WDPCP: variants seen among roughly 807,000 people sequenced by gnomAD.
WDPCP encodes WD repeat containing planar cell polarity effector, also known as WD repeat-containing and planar cell polarity effector protein fritz homolog.
A neutral mutation model predicts 93.1 loss-of-function variants in WDPCP; 71 were observed. The ratio of observed to expected loss-of-function variants is 0.76; its 90% CI spans 0.63 to 0.93. The LOEUF (loss-of-function observed/expected upper bound fraction) is 0.93, where lower values mean the gene tolerates loss of function less well. WDPCP is among the 40% of genes least tolerant of loss of function. The pLI is 0.00. For synonymous variants in WDPCP, 315 were observed against 315.0 expected (o/e 1.00, Z 0.00); for missense variants, 844 against 887.4 (o/e 0.95, Z 0.62).
At chr2:63,655,749 A>G (rs1274127661) in intron 2 of WDPCP, among the ~76,000 whole-genome samples, 1 of 152,192 alleles carries the variant, frequency 6.6e-6, no homozygotes, top group African/African-American at 2.4e-5. Flanking sequence ...GTAATACTAT[A>G]TATGCTGTTC....
At chr2:63,327,853 C>A (rs558722152) in intron 12 of WDPCP, among the ~76,000 whole-genome samples, 1 of 152,152 alleles carries the variant, frequency 6.6e-6, no homozygotes, top group Non-Finnish European at 1.5e-5. Flanking sequence ...ACAAATGGAA[C>A]CCCAAATGAG....
chr2:63,794,554 T>C (rs185596235), intron 2 of WDPCP, among the ~76,000 whole-genome samples: 85 of 152,336 alleles, frequency 5.6e-4, no homozygotes, highest in African/African-American at 2.0e-3. Flanking sequence ...GCTGTATTTG[T>C]TACTATCATC....
chr2:63,604,444 A>G (rs1455193291), intron 3 of WDPCP, among the ~76,000 whole-genome samples: 1 of 152,176 alleles, frequency 6.6e-6, no homozygotes, highest in African/African-American at 2.4e-5. Flanking sequence ...TTAACCACAA[A>G]CTATGGGATG....
At chr2:63,276,109 G>C (rs980897163) in intron 13 of WDPCP, among the ~76,000 whole-genome samples, 17 of 152,128 alleles carry the variant, frequency 1.1e-4, no homozygotes, top group Non-Finnish European at 1.8e-4. Flanking sequence ...CCACTGGGTG[G>C]CTAAACCCAG....
chr2:63,386,494 G>C (rs549212465), intron 10 of WDPCP, among the ~76,000 whole-genome samples: 47 of 152,146 alleles, frequency 3.1e-4, no homozygotes, highest in Admixed American at 1.4e-3. Context: ...ATGCAAATTA[G>C]TACCACAACA....
chr2:63,199,415 A>C (rs919543277), intron 14 of WDPCP, among the ~76,000 whole-genome samples: 1 of 152,200 alleles, frequency 6.6e-6, no homozygotes, highest in African/African-American at 2.4e-5. Context: ...TTTTGTGGGC[A>C]AGGCCCGGGG....
intron 12 of WDPCP, among the ~76,000 whole-genome samples, chr2:63,367,251 A>G (rs1437211473): frequency 2.6e-5 from 4 of 152,026 alleles, no homozygotes; most frequent in Non-Finnish European, 5.9e-5. Flanking sequence ...ACATTAAAAC[A>G]ATTAAAACAA....
At chr2:63,124,636 A>G (rs544622210) in intron 17 of WDPCP, among the ~76,000 whole-genome samples, 2 of 152,284 alleles carry the variant, frequency 1.3e-5, no homozygotes, top group South Asian at 4.1e-4. Flanking sequence ...TTATTATGTT[A>G]GGTTTCCTCT....
At chr2:63,637,346 C>T (rs756201765) in intron 3 of WDPCP, among the ~76,000 whole-genome samples, 6 of 146,030 alleles carry the variant, frequency 4.1e-5, no homozygotes, top group Admixed American at 6.9e-5. Flanking sequence ...AGAAAGACTC[C>T]GTCTCACAAA....
intron 6 of WDPCP, among the ~76,000 whole-genome samples, chr2:63,446,254 G>T (rs949132669): frequency 6.6e-6 from 1 of 152,154 alleles, no homozygotes; most frequent in African/African-American, 2.4e-5. Flanking sequence ...AGTAAGCGGT[G>T]AGTGGGCAAG....
intron 3 of WDPCP, among the ~76,000 whole-genome samples, chr2:63,620,153 T>C (rs1028412457): frequency 6.6e-6 from 1 of 152,002 alleles, no homozygotes; most frequent in African/African-American, 2.4e-5. Flanking sequence ...CAGTGGCACC[T>C]GGAACACCAG....
chr2:63,392,214 G>T (rs1693315796), intron 10 of WDPCP, among the ~76,000 whole-genome samples: 1 of 152,038 alleles, frequency 6.6e-6, no homozygotes, highest in Admixed American at 6.6e-5. Flanking sequence ...CAGAACAGAG[G>T]CCTTGGAAAT....
At chr2:63,748,930 G>GTGC (rs1278015337) in intron 2 of WDPCP, among the ~76,000 whole-genome samples, 1 of 152,062 alleles carries the variant, frequency 6.6e-6, no homozygotes. Flanking sequence ...CAAGTCTGGG[G>GTGC]TGCTCTAATT....
At chr2:63,571,695 A>G (rs1339943197) in intron 1 of WDPCP, 7 of 459,570 alleles carry the variant, frequency 1.5e-5, no homozygotes, top group Non-Finnish European at 2.2e-5. Context: ...TTAAGATGCC[A>G]GAAAAGTTTT....
chr2:63,473,419 C>G (rs1699798394), intron 6 of WDPCP, among the ~76,000 whole-genome samples: 1 of 152,148 alleles, frequency 6.6e-6, no homozygotes, highest in East Asian at 1.9e-4. Context: ...GTTGGTGTCT[C>G]CCAAAAATTA....
chr2:63,227,910 A>G (rs1158863750), intron 14 of WDPCP, among the ~76,000 whole-genome samples: 1 of 152,110 alleles, frequency 6.6e-6, no homozygotes, highest in Non-Finnish European at 1.5e-5. Context: ...TATAAATCTA[A>G]CAGGGAACAA....
chr2:63,588,003 G>T (rs1255491570), intron 1 of WDPCP, among the ~76,000 whole-genome samples, 194 bp downstream of exon 1: 3 of 152,192 alleles, frequency 2.0e-5, no homozygotes, highest in Non-Finnish European at 4.4e-5. Context: ...TTGGGGTCGG[G>T]GGTGCACCTA....
rs759281211 is a variant in WDPCP at position 63,174,803 on chromosome 2, T to C, written c.1945A>G (p.Met649Val). 1.9e-6 allele frequency: 3 copies of C among 1,613,914 alleles called. No homozygotes were observed. Among genetic ancestry groups the C allele is most frequent in the Non-Finnish European group, 2.5e-6 (3 of 1,179,870 alleles). ...AGGCCAATAAATGCTTCATTTAGCA[T>C]ATCCCCTCTGTCCAAGGGTCCCAGG... ...ELLGPLDRGDMLNEAFIGLSL... is the reference protein window; with the variant it reads ...ELLGPLDRGDVLNEAFIGLSL... Residue 649 changes from methionine (M) to valine (V), a missense_variant, in exon 15 of 18, where the codon ATG (methionine) becomes GTG (valine). Coordinates refer to ENST00000272321, the MANE Select transcript of WDPCP (RefSeq NM_015910.7).
In WDPCP at chr2:63,467,927, G is replaced by C. The variant is rs148129286; in HGVS notation, c.384+16677C>G. The stretch of plus-strand genomic sequence containing the variant: ...CACATCCTTTAATGTAAATCTTTGT[G>C]AGTGTGATGGCTATGGCTGTATGCC... On this transcript the variant is annotated intron_variant, in intron 6 of 17. Transcript: ENST00000272321. 3.3e-5 allele frequency among the ~76,000 whole-genome samples: 5 copies of C among 152,218 alleles called. No individual in the cohort carries two copies. The East Asian group carries it at 7.7e-4, about 24-fold the overall frequency.
Sources: gnomAD v4.1 joint callset for allele counts (sites outside exome capture counted in the v4.1 genomes callset) on GRCh38, gnomAD v4.1.1 for gene constraint, MANE v1.5 for transcripts, NCBI Gene and HGNC (gene_info 2026-07-23, HGNC 2026-07-21) for gene names.